PTPRF: variants seen among roughly 807,000 people sequenced by gnomAD.
PTPRF encodes the protein protein tyrosine phosphatase receptor type F, also known as receptor-type tyrosine-protein phosphatase F.
In PTPRF, 59 loss-of-function variants were observed where a neutral mutation model predicts 201.8. The ratio of observed to expected loss-of-function variants is 0.29; its 90% CI spans 0.24 to 0.36. The LOEUF (loss-of-function observed/expected upper bound fraction) is 0.36, where lower values mean the gene tolerates loss of function less well. Among genes scored for constraint, PTPRF ranks in the 10% least tolerant of loss-of-function variants. The pLI, the probability that PTPRF is intolerant of heterozygous loss-of-function variation, is 1.00. For synonymous variants in PTPRF, 1,088 were observed against 1,089.7 expected, an observed-to-expected ratio of 1.00 and a Z score of 0.03; for missense variants, 2,132 against 2,690.5, an observed-to-expected ratio of 0.79 and a Z score of 4.59.
chr1:43,564,577 C>T (rs1281196913), intron 5 of PTPRF, among the ~76,000 whole-genome samples: 1 of 152,114 alleles, frequency 6.6e-6, no homozygotes. Flanking sequence ...TATTTTTACA[C>T]CTGTCTGTTT....
intron 6 of PTPRF, among the ~76,000 whole-genome samples, chr1:43,571,781 C>T (rs974365389): frequency 2.0e-5 from 3 of 152,248 alleles, no homozygotes; most frequent in South Asian, 2.1e-4. Flanking sequence ...GGTCAAGTGA[C>T]GCTCCCAAGC....
At chr1:43,605,077 T>C (rs992282537) in intron 17 of PTPRF, 77 bp downstream of exon 17, 4 of 1,580,592 alleles carry the variant, frequency 2.5e-6, no homozygotes, top group African/African-American at 2.7e-5. Context: ...TCCTAACCCA[T>C]GTGCATCCGG....
In PTPRF at chr1:43,553,451, G is replaced by T. The variant is rs1034597280; in HGVS notation, c.92-41G>T. The stretch of plus-strand genomic sequence containing the variant: ...ACCTTCCTCACTGGCCATTCCTATA[G>T]TGACTGTGCTGTGGTGACTTGGTGT... On this transcript the variant is annotated intron_variant, in intron 3 of 33. Coordinates refer to ENST00000359947, the MANE Select transcript of PTPRF (RefSeq NM_002840.5). This position sits in a 1 kb window ranked among gnomAD's most constrained non-coding sequence, Gnocchi z 4.1. 3.8e-6 allele frequency: 6 copies of T among 1,598,214 alleles called. No individual in the cohort carries two copies. The highest frequency in any genetic ancestry group is 3.4e-5 in the Admixed American group (2 of 59,050).
intron 13 of PTPRF, 49 bp from the exon 14 acceptor site, chr1:43,602,022 A>AG: frequency 1.9e-6 from 3 of 1,591,432 alleles, no homozygotes; most frequent in Non-Finnish European, 2.6e-6. Flanking sequence ...TCTCCAGGTC[A>AG]GAGTCCTTCA....
intron 1 of PTPRF, among the ~76,000 whole-genome samples, chr1:43,533,024 T>G (rs1643756972): frequency 6.6e-6 from 1 of 152,260 alleles, no homozygotes; most frequent in Non-Finnish European, 1.5e-5. Context: ...TGTATTTTTG[T>G]ATATGCACTT....
At chr1:43,589,108 C>A in intron 8 of PTPRF, 108 bp downstream of exon 8, 1 of 1,342,524 alleles carries the variant, frequency 7.4e-7, no homozygotes, top group Non-Finnish European at 9.8e-7. Context: ...CTGAGGGATT[C>A]TTGCCCTTTC....
intron 13 of PTPRF, 103 bp from the exon 14 acceptor site, chr1:43,601,968 C>T: frequency 7.1e-7 from 1 of 1,407,536 alleles, no homozygotes; most frequent in East Asian, 2.3e-5. Context: ...CCCAAAAGCC[C>T]TCCCTCTGTC....
chr1:43,615,551 CTTTTTTTTTTTTTTTTTT>C, intron 23 of PTPRF, among the ~76,000 whole-genome samples: 1 of 84,160 alleles, frequency 1.2e-5, no homozygotes, highest in African/African-American at 4.9e-5. Context: ...GCTCTGTTGT[CTTTTTTTTTTTTTTTTTT>C]TTTTTTTTTT....
intron 30 of PTPRF, 114 bp from the exon 31 acceptor site, chr1:43,620,340 C>T: frequency 6.5e-7 from 1 of 1,528,420 alleles, no homozygotes; most frequent in Non-Finnish European, 8.9e-7. Context: ...GTCAGCATGG[C>T]CTCAGGCGCC....
At position 43,617,471 on chromosome 1, in the gene PTPRF, G is replaced by A. The variant is rs1435716496; in HGVS notation, c.4098G>A (p.Thr1366=). Residue 1366 remains threonine (T), a synonymous_variant, in exon 24 of 34, where the codon ACG becomes ACA. Coordinates refer to ENST00000359947, the MANE Select transcript of PTPRF (RefSeq NM_002840.5). ...YESIDPGQQF[T]WENSNLEVNK... is the part of the protein sequence containing the mutation. ...CCATCGACCCTGGACAGCAGTTCAC[G>A]TGGGAGAATTCAAACCTGGAGGTGA... 5 of 1,614,038 alleles carry A rather than the reference G, an allele frequency of 3.1e-6. No homozygotes were observed. The highest frequency in any genetic ancestry group is 1.3e-5 in the African/African-American group (1 of 74,916).
At chr1:43,559,527 G>T (rs1645639147) in intron 5 of PTPRF, among the ~76,000 whole-genome samples, 1 of 151,776 alleles carries the variant, frequency 6.6e-6, no homozygotes, top group Non-Finnish European at 1.5e-5. Flanking sequence ...ATCGGGTAGT[G>T]TGTGTGTGTT....
Position 43,618,611 on chromosome 1 carries a change from C to G in PTPRF, c.4372-19C>G, listed in dbSNP as rs1291134296. The G allele has an allele frequency of 4.4e-6, 7 of 1,588,720 alleles. No individual in the cohort carries two copies. Among genetic ancestry groups the G allele is most frequent in the Non-Finnish European group, 6.0e-6 (7 of 1,159,544 alleles). On this transcript the variant is annotated intron_variant, in intron 25 of 33. Transcript: ENST00000359947. ...AGCCTGTGGGCTTCCTTCAGCCTGC[C>G]CTGCTCATCCTCCTGCAGGTAAAAT...
intron 6 of PTPRF, chr1:43,575,947 C>T (rs1481507351): frequency 4.4e-6 from 6 of 1,364,742 alleles, no homozygotes; most frequent in Non-Finnish European, 5.9e-6. Context: ...CTGTCCGTGC[C>T]TCTCGCCACA....
At chr1:43,616,324 C>A (rs192768889) in intron 23 of PTPRF, among the ~76,000 whole-genome samples, 1 of 151,490 alleles carries the variant, frequency 6.6e-6, no homozygotes, top group Admixed American at 6.6e-5. Flanking sequence ...ACTAACGCTT[C>A]GCTATTATCA....
In PTPRF at chr1:43,588,407, G is replaced by A. The variant is rs543833100; in HGVS notation, c.680-324G>A. ...CCTGACCAGGCCTGGACCTTGTACT[G>A]AGTCCCTGTGTGACCCTGGGCAGAC... is the stretch of plus-strand genomic sequence containing the variant. On this transcript the variant is annotated intron_variant, in intron 7 of 33. Coordinates refer to ENST00000359947, the MANE Select transcript of PTPRF (RefSeq NM_002840.5). The surrounding 1 kb of genome is among the most constrained non-coding windows in gnomAD (Gnocchi z 5.3). Among the ~76,000 whole-genome samples, 39 of 152,316 alleles carry A rather than the reference G, an allele frequency of 2.6e-4. No homozygotes were observed. The highest frequency in any genetic ancestry group is 1.4e-3 in the East Asian group (7 of 5,174).
chr1:43,545,752 TG>T, intron 3 of PTPRF, among the ~76,000 whole-genome samples: 1 of 152,044 alleles, frequency 6.6e-6, no homozygotes, highest in African/African-American at 2.4e-5. Context: ...GACCTGGAAA[TG>T]GGGGGAAGAT....
intron 5 of PTPRF, among the ~76,000 whole-genome samples, chr1:43,564,978 A>C (rs2153983649): frequency 6.6e-6 from 1 of 151,978 alleles, no homozygotes; most frequent in East Asian, 1.9e-4. Context: ...CTCCACCCCC[A>C]TCTTAGGCTC....
intron 23 of PTPRF, among the ~76,000 whole-genome samples, chr1:43,614,456 G>C (rs996828723): frequency 6.6e-6 from 1 of 152,190 alleles, no homozygotes; most frequent in Non-Finnish European, 1.5e-5. Context: ...GCCTTCAAGA[G>C]TCTGAGGGTT....
chr1:43,618,829 G>A, intron 26 of PTPRF, 80 bp downstream of exon 26: 1 of 1,548,906 alleles, frequency 6.5e-7, no homozygotes. Flanking sequence ...TGGGTCGGGG[G>A]GAAGCTGGAG....
Sources: gnomAD v4.1 joint callset for allele counts (sites outside exome capture counted in the v4.1 genomes callset) on GRCh38, gnomAD v4.1.1 for gene constraint, Gnocchi (gnomAD v3.1) non-coding constraint, MANE v1.5 for transcripts, NCBI Gene and HGNC (gene_info 2026-07-23, HGNC 2026-07-21) for gene names.